SACS: variants seen among roughly 807,000 people sequenced by gnomAD.
SACS encodes the protein sacsin.
A neutral mutation model predicts 348.0 loss-of-function variants in SACS; 197 were observed. The observed-to-expected ratio is 0.57, with a 90% CI of 0.50 to 0.64. The LOEUF is 0.64. Among genes scored for constraint, SACS ranks in the 30% least tolerant of loss-of-function variants. The pLI is 0.00. For missense variants in SACS, 4,999 were observed against 5,360.8 expected (o/e 0.93, Z 2.11); for synonymous variants, 1,985 against 1,910.6 (o/e 1.04, Z -1.02).
intron 6 of SACS, among the ~76,000 whole-genome samples, chr13:23,358,871 TA>T (rs568976967): frequency 4.9e-4 from 74 of 152,246 alleles, no homozygotes; most frequent in African/African-American, 1.7e-3. Context: ...ATATATTTCA[TA>T]AAACAGATGA....
chr13:23,330,996 A>T lies in SACS; in HGVS notation c.12880T>A (p.Ser4294Thr). 2 of 1,613,650 alleles carry T rather than the reference A, an allele frequency of 1.2e-6. No homozygotes were observed. Among genetic ancestry groups the T allele is most frequent in the Non-Finnish European group, 1.7e-6 (2 of 1,179,888 alleles). Residue 4294 changes from serine (S) to threonine (T), a missense_variant, in exon 10 of 10, where the codon TCC becomes ACC. Ser to Thr is a moderately conservative substitution (Grantham distance 58). This residue lies in a region of SACS where 831 missense variants were observed against 941.8 expected (regional missense o/e 0.88). Coordinates refer to ENST00000382292, the MANE Select transcript of SACS (RefSeq NM_014363.6). ...ESHKTSSKHQSPKKLKVNSLP... is the reference protein window; with the variant it reads ...ESHKTSSKHQTPKKLKVNSLP... ...GAATTAACCTTAAGCTTTTTGGGGGACTGATGTTTGGAAGAAGTCTTGTGG... is the reference window on the plus strand; with the variant it reads ...GAATTAACCTTAAGCTTTTTGGGGGTCTGATGTTTGGAAGAAGTCTTGTGG...
Position 23,332,979 on chromosome 13 carries a change from A to T in SACS, c.10897T>A (p.Phe3633Ile). ...NTVDILLHHI[F>I]QERMDLLSGN... ...GATAACAAATCCATTCGTTCTTGGA[A>T]TATATGATGCAGAAGGATATCAACT... The change falls in exon 10 of 10, where the codon TTC (phenylalanine) becomes ATC (isoleucine). Residue 3633 changes from phenylalanine (F) to isoleucine (I), a missense_variant. Phe to Ile is a conservative substitution (Grantham distance 21). Around this residue, in one of 6 missense-constraint regions of SACS, gnomAD observed 831 missense variants for 941.8 expected, o/e 0.88. Transcript: ENST00000382292. 1.2e-6 allele frequency: 2 copies of T among 1,613,906 alleles called. No homozygotes were observed. Among genetic ancestry groups the T allele is most frequent in the Non-Finnish European group, 1.7e-6 (2 of 1,179,890 alleles).
At chr13:23,344,850 T>C (rs1869497141) in intron 9 of SACS, among the ~76,000 whole-genome samples, 2 of 152,344 alleles carry the variant, frequency 1.3e-5, no homozygotes, top group African/African-American at 4.8e-5. Flanking sequence ...CAATCCCTCA[T>C]TTGTTCAAAA....
chr13:23,348,513 T>C (rs947628899), intron 9 of SACS, among the ~76,000 whole-genome samples: 1 of 152,190 alleles, frequency 6.6e-6, no homozygotes, highest in Non-Finnish European at 1.5e-5. Context: ...AAATAAAGAT[T>C]GCCCTTGCTC....
intron 2 of SACS, 71 bp downstream of exon 2, chr13:23,411,149 A>T: frequency 7.4e-7 from 1 of 1,359,310 alleles, no homozygotes; most frequent in Non-Finnish European, 1.1e-6. Flanking sequence ...CCTATGTTTC[A>T]TTTGGGAAAA....
chr13:23,375,625 C>T (rs564968092), intron 2 of SACS: 1 of 958,270 alleles, frequency 1.0e-6, no homozygotes, highest in Non-Finnish European at 1.2e-6. Context: ...CCGCCGGGAC[C>T]GTTAGCTGGG....
At chr13:23,413,633 T>C (rs530738199) in intron 1 of SACS, among the ~76,000 whole-genome samples, 1 of 152,188 alleles carries the variant, frequency 6.6e-6, no homozygotes, top group African/African-American at 2.4e-5. Context: ...TTCTTGGATG[T>C]TCATGAAAAC....
chr13:23,335,541 G>T lies in SACS; in HGVS notation c.8335C>A (p.Gln2779Lys), dbSNP rs770690015. The T allele has an allele frequency of 1.9e-6, 3 of 1,613,686 alleles. No individual in the cohort carries two copies. Among genetic ancestry groups the T allele is most frequent in the Non-Finnish European group, 2.5e-6 (3 of 1,179,884 alleles). Residue 2779 changes from glutamine (Q) to lysine (K), a missense_variant, in exon 10 of 10, where the codon CAA becomes AAA. By Grantham distance (53) the Gln-to-Lys change is moderately conservative. Coordinates refer to ENST00000382292, the MANE Select transcript of SACS (RefSeq NM_014363.6). The surrounding 1 kb of genome is among the most constrained non-coding windows in gnomAD (Gnocchi z 4.7). ...CTATCAATTACAGATGCATGAAATT[G>T]TTTCCTTTTCAATCTGTCTCCATCT... ...ITDGDRLKRK[Q>K]FHASVIDSVT...
rs1883625626 is a variant in SACS, at chr13:23,333,505, T to C, written c.10371A>G (p.Ile3457Met). 2 of 1,613,442 alleles carry C rather than the reference T, an allele frequency of 1.2e-6. No individual in the cohort carries two copies. Among genetic ancestry groups the C allele is most frequent in the Non-Finnish European group, 1.7e-6 (2 of 1,179,588 alleles). ...TCACCTCATATAGTTCTTTTAAGTG[T>C]ATTTTTTCTTCAAGAAATGCAGATG... ...SSSSAFLEEK[I>M]HLKELYEVIG... is the part of the protein sequence containing the mutation. Residue 3457 changes from isoleucine to methionine, a missense_variant, in exon 10 of 10, where the codon ATA (isoleucine) becomes ATG (methionine). Physicochemically the swap from Ile to Met is conservative, Grantham distance 10. This residue lies in a region of SACS where 734 missense variants were observed against 694.0 expected (regional missense o/e 1.06). Transcript: ENST00000382292.
At chr13:23,346,424 G>A (rs999475421) in intron 9 of SACS, among the ~76,000 whole-genome samples, 1 of 152,164 alleles carries the variant, frequency 6.6e-6, no homozygotes, top group Admixed American at 6.5e-5. Context: ...GATTACAGGC[G>A]TGAGCCACCG....
chr13:23,402,918 C>G (rs776805775), intron 2 of SACS, among the ~76,000 whole-genome samples: 2 of 152,094 alleles, frequency 1.3e-5, no homozygotes, highest in African/African-American at 4.8e-5. Context: ...TGGCTCACGC[C>G]TATAATCCCA....
At chr13:23,383,890 C>A (rs1439343418) in intron 2 of SACS, among the ~76,000 whole-genome samples, 1 of 152,152 alleles carries the variant, frequency 6.6e-6, no homozygotes, top group East Asian at 1.9e-4. Context: ...CACACCATCA[C>A]CCTCTCCCCA....
rs1021594513 is a variant in SACS, at chr13:23,433,686, T to G, written c.-573A>C. ...TGCCATCAGCAGTTCCCAGCGTGAC[T>G]GTCCCGCAGCCGCACTGGGTCCAGG... On this transcript the variant is annotated 5_prime_UTR_variant, in exon 1 of 10. Coordinates refer to ENST00000382292, the MANE Select transcript of SACS (RefSeq NM_014363.6). 1.3e-5 allele frequency: 2 copies of G among 152,348 alleles called. No homozygotes were observed. Among genetic ancestry groups the G allele is most frequent in the Admixed American group, 1.3e-4 (2 of 15,290 alleles). The allele number at this position is 152,348 out of a possible 1,614,324, so 9.4% of individuals were successfully genotyped here. A position where few individuals can be genotyped will look rare whatever the true frequency, so the allele number is the denominator to read the frequency against.
In SACS at chr13:23,330,617, C is replaced by A. The variant is rs758721847; in HGVS notation, c.13259G>T (p.Cys4420Phe). 9.9e-6 allele frequency: 16 copies of A among 1,613,826 alleles called. No homozygotes were observed. The Admixed American group carries it at 2.7e-4, about 27-fold the overall frequency. ...GTAAGTCTGTCCGGCTGAAGGGGGG[C>A]ATTTTTCTTTGTTCTGTTGCTGTCT... ...SERQQQNKEK[C>F]PPSAGQTYSQ... is the part of the protein sequence containing the mutation. The change falls in exon 10 of 10, where the codon TGC (cysteine) becomes TTC (phenylalanine). Residue 4420 changes from cysteine (C) to phenylalanine (F), a missense_variant. Cys to Phe is a radical substitution (Grantham distance 205). Transcript: ENST00000382292.
At chr13:23,354,465 C>A (rs538224864) in intron 8 of SACS, 54 bp downstream of exon 8, 1 of 1,473,458 alleles carries the variant, frequency 6.8e-7, no homozygotes, top group African/African-American at 1.4e-5. Context: ...TCACAGTGAG[C>A]AGGAGCAGGG....
Position 23,334,601 on chromosome 13 carries a change from T to A in SACS, c.9275A>T (p.Tyr3092Phe), listed in dbSNP as rs139579036. 4.1e-5 allele frequency: 66 copies of A among 1,613,514 alleles called. No homozygotes were observed. In the African/African-American group the frequency reaches 5.7e-4, roughly 14 times the overall value. Residue 3092 changes from tyrosine to phenylalanine, a missense_variant, in exon 10 of 10, where the codon TAT becomes TTT. This residue lies in a region of SACS where 734 missense variants were observed against 694.0 expected (regional missense o/e 1.06). Coordinates refer to ENST00000382292, the MANE Select transcript of SACS (RefSeq NM_014363.6). Reference protein sequence around the residue: ...CLIDADIPVSYVTPADIRSFL... With the variant: ...CLIDADIPVSFVTPADIRSFL... The stretch of plus-strand genomic sequence containing the variant: ...AGATCTGATATCAGCAGGGGTCACA[T>A]AACTAACAGGAATATCTGCATCTAT...
chr13:23,377,738 A>G (rs917102060), intron 2 of SACS, among the ~76,000 whole-genome samples: 2 of 152,110 alleles, frequency 1.3e-5, no homozygotes, highest in African/African-American at 4.8e-5. Context: ...AGATACTTCA[A>G]GAGGCATTAG....
intron 9 of SACS, among the ~76,000 whole-genome samples, chr13:23,347,934 A>G (rs1869717856): frequency 6.6e-6 from 1 of 152,210 alleles, no homozygotes; most frequent in Non-Finnish European, 1.5e-5. Flanking sequence ...AACACCCAGA[A>G]AATGGAGCCA....
Position 23,336,029 on chromosome 13 carries a change from G to C in SACS, c.7847C>G (p.Pro2616Arg). The C allele has an allele frequency of 6.2e-7, 1 of 1,612,604 alleles. No homozygotes were observed. Among genetic ancestry groups the C allele is most frequent in the Non-Finnish European group, 8.5e-7 (1 of 1,178,738 alleles). ...TATTCCATACTGTCCAGTTTTATAA[G>C]GATTTCCCTCTTTCGTGCCTTTTCC... ...NLGKGTKEGN[P>R]YKTGQYGIGF... The change falls in exon 10 of 10, where the codon CCT becomes CGT. Residue 2616 changes from proline to arginine, a missense_variant. This residue lies in a region of SACS where 3,156 missense variants were observed against 3,380.1 expected (regional missense o/e 0.93). Coordinates refer to ENST00000382292, the MANE Select transcript of SACS (RefSeq NM_014363.6).
Sources: gnomAD v4.1 joint callset for allele counts (sites outside exome capture counted in the v4.1 genomes callset) on GRCh38, gnomAD v4.1.1 for gene constraint, gnomAD v4.1.1 regional missense constraint, Gnocchi (gnomAD v3.1) non-coding constraint, MANE v1.5 for transcripts, NCBI Gene and HGNC (gene_info 2026-07-23, HGNC 2026-07-21) for gene names.